The following RAB10 variants were observed in gnomAD, a reference collection of about 807,000 sequenced individuals.
The protein encoded by RAB10 is ras-related protein Rab-10.
In RAB10, 5 loss-of-function variants were observed where a neutral mutation model predicts 25.7. The observed-to-expected ratio is 0.19, with a 90% CI of 0.10 to 0.41. The LOEUF is 0.41. Among genes scored for constraint, RAB10 ranks in the 10% least tolerant of loss-of-function variants. The pLI, the probability that RAB10 is intolerant of heterozygous loss-of-function variation, is 1.00. For missense variants in RAB10, 103 were observed against 245.8 expected (o/e 0.42, Z 3.89); for synonymous variants, 89 against 86.4 (o/e 1.03, Z -0.16).
At chr2:26,038,862 T>G (rs1347087419) in intron 1 of RAB10, among the ~76,000 whole-genome samples, 2 of 148,754 alleles carry the variant, frequency 1.3e-5, no homozygotes, top group Admixed American at 6.7e-5. Context: ...GTGGCGGAGC[T>G]TGCAGTGAGC....
intron 1 of RAB10, among the ~76,000 whole-genome samples, chr2:26,088,285 T>C (rs1667029118): frequency 3.9e-5 from 6 of 152,188 alleles, no homozygotes; most frequent in Admixed American, 3.9e-4. Flanking sequence ...AAGGCAGATA[T>C]GGTGGCTGAT....
intron 1 of RAB10, among the ~76,000 whole-genome samples, chr2:26,046,052 CG>C: frequency 6.6e-6 from 1 of 152,110 alleles, no homozygotes; most frequent in East Asian, 1.9e-4. Context: ...AGGCCCGGTG[CG>C]GTGGCTCACG....
intron 2 of RAB10, among the ~76,000 whole-genome samples, chr2:26,103,243 T>C (rs1667382081): frequency 6.6e-6 from 1 of 152,188 alleles, no homozygotes; most frequent in South Asian, 2.1e-4. Context: ...ATATTCGGAT[T>C]GATGGATAAA....
intron 3 of RAB10, among the ~76,000 whole-genome samples, chr2:26,118,489 A>G (rs1261854341): frequency 1.3e-5 from 2 of 152,124 alleles, no homozygotes; most frequent in Non-Finnish European, 2.9e-5. Flanking sequence ...ACCTAGTCAA[A>G]TATCAGAACA....
At chr2:26,064,157 C>T (rs911114476) in intron 1 of RAB10, among the ~76,000 whole-genome samples, 5 of 152,034 alleles carry the variant, frequency 3.3e-5, no homozygotes, top group Admixed American at 3.3e-4. Context: ...ATATAGCCTG[C>T]CATATTTCTT....
intron 1 of RAB10, among the ~76,000 whole-genome samples, chr2:26,037,805 A>G (rs1423080864): frequency 6.6e-6 from 1 of 152,152 alleles, no homozygotes; most frequent in Non-Finnish European, 1.5e-5. Flanking sequence ...TCTGCTGTGG[A>G]GGTGTGGCAG....
At position 26,098,109 on chromosome 2, in the gene RAB10, C is replaced by CTTTTTTTTTTTTTTTTTTTT. The variant is rs57174956; in HGVS notation, c.128-544_128-525dup. Reference sequence around the variant, plus strand: ...CTTCTTTTTCTTTCTTTCTTTCTTTCTTTTTTTTTTTTTTTTTTTTTTTTT... The same window carrying CTTTTTTTTTTTTTTTTTTTT: ...CTTCTTTTTCTTTCTTTCTTTCTTTCTTTTTTTTTTTTTTTTTTTTTTTTTTTTTTTTTTTTTTTTTTTTT... On this transcript the variant is annotated intron_variant, in intron 1 of 5. Transcript: ENST00000264710. 1.1e-3 allele frequency among the ~76,000 whole-genome samples: 56 copies of CTTTTTTTTTTTTTTTTTTTT among 52,726 alleles called. 1 individual carries two copies. Among genetic ancestry groups the CTTTTTTTTTTTTTTTTTTTT allele is most frequent in the African/African-American group, 1.2e-3 (16 of 12,906 alleles). 34.6% of individuals were successfully genotyped at this position (52,726 alleles called of 152,430 possible). A position where few individuals can be genotyped will look rare whatever the true frequency, so the allele number is the denominator to read the frequency against.
chr2:26,126,056 G>C (rs1355652548), intron 3 of RAB10, among the ~76,000 whole-genome samples: 1 of 152,104 alleles, frequency 6.6e-6, no homozygotes, highest in African/African-American at 2.4e-5. Context: ...TAAGGATCCA[G>C]CTTCATTGTT....
At chr2:26,085,532 G>GCT (rs1433470612) in intron 1 of RAB10, among the ~76,000 whole-genome samples, 3 of 151,166 alleles carry the variant, frequency 2.0e-5, no homozygotes, top group Non-Finnish European at 4.4e-5. Context: ...AGCACTTTCA[G>GCT]GTCACCAGCT....
chr2:26,091,377 G>C (rs1413416862), intron 1 of RAB10, among the ~76,000 whole-genome samples: 2 of 152,162 alleles, frequency 1.3e-5, no homozygotes, highest in Admixed American at 6.5e-5. Context: ...CATGATGGAT[G>C]AGAAAGGTAG....
chr2:26,106,052 T>G (rs774219944), intron 2 of RAB10, among the ~76,000 whole-genome samples: 1 of 152,250 alleles, frequency 6.6e-6, no homozygotes, highest in African/African-American at 2.4e-5. Flanking sequence ...GTGGATGATA[T>G]ATAAAGAGGA....
At chr2:26,098,105 CTTTCTTTTTTTTTTTT>C (rs1667263253) in intron 1 of RAB10, among the ~76,000 whole-genome samples, 1 of 88,452 alleles carries the variant, frequency 1.1e-5, no homozygotes, top group Non-Finnish European at 2.2e-5. Context: ...TTCTTTCTTT[CTTTCTTTTTTTTTTTT>C]TTTTTTTTTT....
intron 1 of RAB10, among the ~76,000 whole-genome samples, chr2:26,076,530 G>A (rs1016146533): frequency 6.6e-6 from 1 of 152,278 alleles, no homozygotes; most frequent in African/African-American, 2.4e-5. Context: ...CCTTATTTTG[G>A]AAGGTGCCCC....
rs1667280308 is a variant in RAB10 at position 26,098,694 on chromosome 2, C to G, written c.160C>G (p.Gln54Glu). 1 of 1,593,000 alleles carries G rather than the reference C, an allele frequency of 6.3e-7. No individual in the cohort carries two copies. The highest frequency in any genetic ancestry group is 8.6e-7 in the Non-Finnish European group (1 of 1,162,208). The stretch of plus-strand genomic sequence containing the variant: ...CTTCAAGATCAAAACAGTTGAATTA[C>G]AAGGAAAGAAGATCAAGCTACAGAT... ...IDFKIKTVELQGKKIKLQIWD... is the reference protein window; with the variant it reads ...IDFKIKTVELEGKKIKLQIWD... Residue 54 changes from glutamine to glutamate, a missense_variant, in exon 2 of 6, where the codon CAA becomes GAA. By Grantham distance (29) the Gln-to-Glu change is conservative. Transcript: ENST00000264710.
intron 1 of RAB10, among the ~76,000 whole-genome samples, chr2:26,067,556 C>G (rs1419367291): frequency 1.3e-5 from 2 of 152,140 alleles, no homozygotes; most frequent in Non-Finnish European, 2.9e-5. Flanking sequence ...CTCCTTCCAG[C>G]AACTGTCAAC....
chr2:26,087,006 C>T (rs1244473361), intron 1 of RAB10, among the ~76,000 whole-genome samples: 1 of 151,882 alleles, frequency 6.6e-6, no homozygotes. Context: ...GATATGGGGT[C>T]GTTTTGAGGT....
At chr2:26,112,497 C>G (rs1667593954) in intron 3 of RAB10, among the ~76,000 whole-genome samples, 1 of 152,182 alleles carries the variant, frequency 6.6e-6, no homozygotes, top group African/African-American at 2.4e-5. Flanking sequence ...GAACTGGGAA[C>G]AAAGACCTAA....
chr2:26,099,238 A>G (rs1667290152), intron 2 of RAB10, among the ~76,000 whole-genome samples: 1 of 147,358 alleles, frequency 6.8e-6, no homozygotes, highest in African/African-American at 2.5e-5. Flanking sequence ...TTAACCCATT[A>G]ATTACTAAAA....
chr2:26,042,619 C>CT (rs1665915625), intron 1 of RAB10: 5 of 151,986 alleles, frequency 3.3e-5, no homozygotes, highest in Admixed American at 2.6e-4. Context: ...TCACTCCAGC[C>CT]TGGATGACAG....
Sources: gnomAD v4.1 joint callset for allele counts (sites outside exome capture counted in the v4.1 genomes callset) on GRCh38, gnomAD v4.1.1 for gene constraint, MANE v1.5 for transcripts, NCBI Gene and HGNC (gene_info 2026-07-23, HGNC 2026-07-21) for gene names.